FMO5: variants seen among roughly 807,000 people sequenced by gnomAD.
The protein encoded by FMO5 is flavin containing dimethylaniline monoxygenase 5, also known as flavin-containing monooxygenase 5.
Under a neutral mutation model 43.6 loss-of-function variants are expected in FMO5, and 51 were observed. The ratio of observed to expected loss-of-function variants is 1.17; its 90% CI spans 0.93 to 1.48. FMO5 has a LOEUF of 1.48. FMO5 is among the 40% of genes most tolerant of loss of function. The probability of loss-of-function intolerance (pLI) is 0.00; values close to 1 mark genes in which losing one functional copy is unlikely to be tolerated. For synonymous variants in FMO5, 187 were observed against 216.5 expected, an observed-to-expected ratio of 0.86 and a Z score of 1.20; for missense variants, 644 against 643.0, an observed-to-expected ratio of 1.00 and a Z score of -0.02.
intron 5 of FMO5, among the ~76,000 whole-genome samples, 176 bp downstream of exon 5, chr1:147,212,217 A>G (rs1022688520): frequency 6.6e-5 from 10 of 152,222 alleles, no homozygotes; most frequent in Admixed American, 2.0e-4. Context: ...TAACTCCTCT[A>G]TTAGCACCAA....
chr1:147,194,359 G>A (rs587749465), intron 7 of FMO5, among the ~76,000 whole-genome samples: 1 of 152,098 alleles, frequency 6.6e-6, no homozygotes, highest in East Asian at 1.9e-4. Flanking sequence ...CGATTTGCTT[G>A]GTAGATCTTC....
chr1:147,218,551 T>C (rs7552601), intron 2 of FMO5, among the ~76,000 whole-genome samples: 5,584 of 152,280 alleles, frequency 0.037, 108 homozygotes, highest in African/African-American at 0.046. Context: ...ATGCAGAATT[T>C]ACCTTCCACA....
chr1:147,188,594 C>T (rs1481094740), intron 8 of FMO5, among the ~76,000 whole-genome samples: 1 of 150,564 alleles, frequency 6.6e-6, no homozygotes, highest in Non-Finnish European at 1.5e-5. Context: ...CTAGCTCCTG[C>T]CTTGATTATG....
At chr1:147,216,086 C>T in intron 2 of FMO5, 144 bp from the exon 3 acceptor site, 1 of 595,874 alleles carries the variant, frequency 1.7e-6, no homozygotes, top group Non-Finnish European at 2.9e-6. Flanking sequence ...CTTATGTAGT[C>T]CCTTCCCCTT....
Position 147,221,499 on chromosome 1 carries a change from G to C in FMO5, c.135+3396C>G, listed in dbSNP as rs1299177399. Among the ~76,000 whole-genome samples the C allele has an allele frequency of 2.0e-5, 3 of 152,142 alleles. No individual in the cohort carries two copies. The South Asian group carries it at 6.2e-4, about 32-fold the overall frequency. On this transcript the variant is annotated intron_variant, in intron 2 of 8. Coordinates refer to ENST00000254090, the MANE Select transcript of FMO5 (RefSeq NM_001461.4). Reference sequence around the variant, plus strand: ...TTTAATTAAGGTAAATTAATGAATGGCAAGGTCATTTTGGAATTAAGATGT... The same window carrying C: ...TTTAATTAAGGTAAATTAATGAATGCCAAGGTCATTTTGGAATTAAGATGT...
chr1:147,186,612 G>A lies in FMO5; in HGVS notation c.*288C>T. On this transcript the variant is annotated 3_prime_UTR_variant, in exon 9 of 9. Transcript: ENST00000254090. ...AACATTTATTAAGCACCTACCACAT[G>A]TCAAGAACTCTGCTAAAGACATACA... The A allele has an allele frequency of 9.0e-7, 1 of 1,116,026 alleles. No homozygotes were observed. Among genetic ancestry groups the A allele is most frequent in the Non-Finnish European group, 1.1e-6 (1 of 912,628 alleles). 69.1% of individuals were successfully genotyped at this position (1,116,026 alleles called of 1,614,324 possible).
At chr1:147,195,987 T>C (rs1008543943) in intron 7 of FMO5, among the ~76,000 whole-genome samples, 16 of 152,180 alleles carry the variant, frequency 1.1e-4, no homozygotes. Flanking sequence ...TTTGCACCAC[T>C]GGACCAAGCT....
At chr1:147,198,198 T>C (rs1658337901) in intron 7 of FMO5, among the ~76,000 whole-genome samples, 1 of 152,176 alleles carries the variant, frequency 6.6e-6, no homozygotes, top group South Asian at 2.1e-4. Context: ...GATCCTCAAA[T>C]AAGAAGTTTC....
rs1661229826 is a variant in FMO5 at position 147,212,443 on chromosome 1, C to T, written c.580G>A (p.Gly194Arg). 1.2e-6 allele frequency: 2 copies of T among 1,614,052 alleles called. No homozygotes were observed. Among genetic ancestry groups the T allele is most frequent in the Admixed American group, 3.3e-5 (2 of 60,020 alleles). Residue 194 changes from glycine to arginine, a missense_variant, in exon 5 of 9, where the codon GGG becomes AGG. Coordinates refer to ENST00000254090, the MANE Select transcript of FMO5 (RefSeq NM_001461.4). ...ACAGCCAGATCCCCTCCAGAATTCC[C>T]AATGCCAATTATAATGACTCTCTTT... ...TGKRVIIIGI[G>R]NSGGDLAVEI... is the part of the protein sequence containing the mutation.
chr1:147,186,841 T>C lies in FMO5; in HGVS notation c.*59A>G. The C allele has an allele frequency of 1.3e-5, 20 of 1,547,396 alleles. No individual in the cohort carries two copies. Among genetic ancestry groups the C allele is most frequent in the Non-Finnish European group, 1.7e-5 (19 of 1,149,622 alleles). ...AAACTGAGAGTCAATCTCGTCAGAT[T>C]CTGAAGGCATCTGTAGATAAGCTTC... is the stretch of plus-strand genomic sequence containing the variant. On this transcript the variant is annotated 3_prime_UTR_variant, in exon 9 of 9. Coordinates refer to ENST00000254090, the MANE Select transcript of FMO5 (RefSeq NM_001461.4).
At chr1:147,194,285 C>T (rs146873516) in intron 7 of FMO5, among the ~76,000 whole-genome samples, 1 of 152,064 alleles carries the variant, frequency 6.6e-6, no homozygotes, top group Non-Finnish European at 1.5e-5. Flanking sequence ...CTCTTTAGAT[C>T]TTTGCTGGTT....
chr1:147,192,890 G>C (rs1373673830), intron 7 of FMO5, among the ~76,000 whole-genome samples: 1 of 152,154 alleles, frequency 6.6e-6, no homozygotes, highest in Non-Finnish European at 1.5e-5. Context: ...TAAGCTTTTT[G>C]ATGAGCTGCT....
In FMO5 at chr1:147,212,513, C is replaced by A; in HGVS notation, c.510G>T (p.Gln170His). 6.2e-7 allele frequency: 1 copy of A among 1,613,768 alleles called. No individual in the cohort carries two copies. Among genetic ancestry groups the A allele is most frequent in the Non-Finnish European group, 8.5e-7 (1 of 1,179,766 alleles). Reference protein sequence around the residue: ...SFPGIEKFKGQYFHSRDYKNP... With the variant: ...SFPGIEKFKGHYFHSRDYKNP... ...TCTTATAGTCTCGACTGTGGAAGTA[C>A]TGCCCTTTGAACTTCTCAATTCCTG... Residue 170 changes from glutamine to histidine, a missense_variant, in exon 5 of 9, where the codon CAG becomes CAT. Coordinates refer to ENST00000254090, the MANE Select transcript of FMO5 (RefSeq NM_001461.4).
At chr1:147,226,195 G>A (rs1001084463), upstream of FMO5, among the ~76,000 whole-genome samples, 1 of 151,550 alleles carries the variant, frequency 6.6e-6, no homozygotes, top group Admixed American at 6.6e-5. Flanking sequence ...AGTAGTAGCA[G>A]TGGTCTCCTT....
intron 5 of FMO5, chr1:147,210,476 G>T (rs1553923544): frequency 6.6e-6 from 1 of 152,130 alleles, no homozygotes; most frequent in African/African-American, 2.4e-5. Context: ...TCTACAGAGG[G>T]ATAATTGTTT....
chr1:147,226,964 G>T (rs782589602), upstream of FMO5, among the ~76,000 whole-genome samples: 7 of 151,928 alleles, frequency 4.6e-5, no homozygotes, highest in South Asian at 1.5e-3. Flanking sequence ...TTCTGAGTAG[G>T]GACTACAGCT....
At chr1:147,195,352 C>T (rs1404742319) in intron 7 of FMO5, among the ~76,000 whole-genome samples, 7 of 152,028 alleles carry the variant, frequency 4.6e-5, no homozygotes, top group African/African-American at 1.7e-4. Context: ...AGGCTGGTCT[C>T]GAACTCCTGA....
intron 3 of FMO5, chr1:147,215,419 G>A (rs139261892): frequency 9.8e-4 from 200 of 203,810 alleles, no homozygotes; most frequent in African/African-American, 4.4e-3. Flanking sequence ...GAACCAGAGA[G>A]TTTTAAAGTT....
At chr1:147,195,716 G>A (rs1441362680) in intron 7 of FMO5, among the ~76,000 whole-genome samples, 2 of 152,104 alleles carry the variant, frequency 1.3e-5, no homozygotes, top group Admixed American at 6.5e-5. Flanking sequence ...ATGCCATGTA[G>A]AAGATTTTGG....
Sources: gnomAD v4.1 joint callset for allele counts (sites outside exome capture counted in the v4.1 genomes callset) on GRCh38, gnomAD v4.1.1 for gene constraint, MANE v1.5 for transcripts, NCBI Gene and HGNC (gene_info 2026-07-23, HGNC 2026-07-21) for gene names.